SHISA9: variants seen among roughly 807,000 people sequenced by gnomAD.
SHISA9 encodes protein shisa-9.
SHISA9 carries 13 observed loss-of-function variants against 38.0 expected under a neutral mutation model. The observed-to-expected ratio is 0.34, with a 90% CI of 0.22 to 0.54. The LOEUF is 0.54. Ranked by LOEUF, SHISA9 falls within the 20% of genes least tolerant of loss-of-function variation. SHISA9 has a pLI of 0.91. For missense variants in SHISA9, 538 were observed against 575.8 expected (o/e 0.93, Z 0.67); for synonymous variants, 275 against 242.0 (o/e 1.14, Z -1.27).
At chr16:13,184,450 A>G (rs2050803380) in intron 2 of SHISA9, among the ~76,000 whole-genome samples, 1 of 152,198 alleles carries the variant, frequency 6.6e-6, no homozygotes. Context: ...GTCTTTGCAT[A>G]TTTTTTAAAA....
At chr16:13,081,867 AG>A (rs1439712064) in intron 2 of SHISA9, among the ~76,000 whole-genome samples, 5 of 151,238 alleles carry the variant, frequency 3.3e-5, no homozygotes, top group Non-Finnish European at 7.4e-5. Flanking sequence ...AAAAAAAAAA[AG>A]GTTTCTACTG....
the SHISA9 span, among the ~76,000 whole-genome samples, chr16:13,516,591 G>A: frequency 2.6e-5 from 4 of 152,132 alleles, no homozygotes; most frequent in African/African-American, 7.2e-5. Flanking sequence ...CCTGAGGTCA[G>A]GAGTTCGAGA....
At chr16:13,273,664 T>C in the SHISA9 span, among the ~76,000 whole-genome samples, 1 of 152,152 alleles carries the variant, frequency 6.6e-6, no homozygotes. Context: ...AACGGACTAA[T>C]ACAACTCGCT....
chr16:13,148,110 C>T (rs1466235041), intron 2 of SHISA9, among the ~76,000 whole-genome samples: 1 of 152,136 alleles, frequency 6.6e-6, no homozygotes, highest in African/African-American at 2.4e-5. Flanking sequence ...TCACGGCATG[C>T]ACACTCACAA....
intron 2 of SHISA9, among the ~76,000 whole-genome samples, chr16:13,015,772 G>A (rs187857457): frequency 4.0e-5 from 6 of 151,826 alleles, no homozygotes; most frequent in East Asian, 1.9e-4. Flanking sequence ...GAAATCTGGC[G>A]TCAATTTCAC....
chr16:13,488,180 C>T, the SHISA9 span, among the ~76,000 whole-genome samples: 1 of 151,934 alleles, frequency 6.6e-6, no homozygotes, highest in African/African-American at 2.4e-5. Context: ...AATGGCTTTA[C>T]CTCCCGACCA....
intron 2 of SHISA9, among the ~76,000 whole-genome samples, chr16:13,044,499 A>G (rs112713158): frequency 1.6e-4 from 24 of 152,350 alleles, no homozygotes; most frequent in African/African-American, 5.1e-4. Flanking sequence ...TGAAATGGAC[A>G]TAGATCTTAC....
chr16:13,013,318 C>T (rs193232143), intron 2 of SHISA9, among the ~76,000 whole-genome samples: 58 of 152,274 alleles, frequency 3.8e-4, no homozygotes, highest in Middle Eastern at 6.8e-3. Context: ...GAGTCAAGGA[C>T]GCCTATAGCC....
At chr16:13,400,687 A>G in the SHISA9 span, among the ~76,000 whole-genome samples, 1 of 152,056 alleles carries the variant, frequency 6.6e-6, no homozygotes, top group African/African-American at 2.4e-5. Flanking sequence ...CATTCCAATA[A>G]CCCTGACTCC....
At chr16:12,997,055 A>G (rs1011166629) in intron 2 of SHISA9, among the ~76,000 whole-genome samples, 11 of 152,166 alleles carry the variant, frequency 7.2e-5, no homozygotes, top group African/African-American at 2.4e-4. Context: ...AAACATGCAT[A>G]TAGCCCTGCA....
chr16:13,024,919 G>A (rs74012243), intron 2 of SHISA9, among the ~76,000 whole-genome samples: 74 of 152,252 alleles, frequency 4.9e-4, no homozygotes, highest in African/African-American at 1.7e-3. Context: ...AATAACATCT[G>A]TCAAATGCAA....
Position 13,002,963 on chromosome 16 carries a change from T to A in SHISA9, c.691+86148T>A, listed in dbSNP as rs117657311. Among the ~76,000 whole-genome samples the A allele has an allele frequency of 8.7e-3, 1,323 of 152,184 alleles. 9 individuals are homozygous for A. The highest frequency in any genetic ancestry group is 0.034 in the Middle Eastern group (10 of 294). ...TAATGCATCTAAGAGGGACACGAGG[T>A]TGAACATTAGAGATGGGAAGGCCAT... is the stretch of plus-strand genomic sequence containing the variant. On this transcript the variant is annotated intron_variant, in intron 2 of 4. Transcript: ENST00000558583.
At chr16:12,951,032 G>C (rs2071747798) in intron 2 of SHISA9, among the ~76,000 whole-genome samples, 1 of 150,270 alleles carries the variant, frequency 6.7e-6, no homozygotes, top group Non-Finnish European at 1.5e-5. Context: ...GACCAGCCTG[G>C]CCTACATGGT....
At chr16:12,994,784 G>C (rs903475962) in intron 2 of SHISA9, among the ~76,000 whole-genome samples, 1 of 152,176 alleles carries the variant, frequency 6.6e-6, no homozygotes, top group Non-Finnish European at 1.5e-5. Flanking sequence ...GGAAAATGGA[G>C]GTGGCAAGGA....
chr16:13,412,439 C>G, the SHISA9 span, among the ~76,000 whole-genome samples: 1 of 152,080 alleles, frequency 6.6e-6, no homozygotes, highest in African/African-American at 2.4e-5. Context: ...CTATTCCTTC[C>G]CCTTTCCTAC....
chr16:13,500,129 G>A, the SHISA9 span, among the ~76,000 whole-genome samples: 46,731 of 152,008 alleles, frequency 0.31, 7,518 homozygotes, highest in East Asian at 0.37. Flanking sequence ...TCATAGGGGC[G>A]GTTTCCCCCA....
Position 13,239,575 on chromosome 16 carries a change from C to T in SHISA9, c.*4166C>T, listed in dbSNP as rs2051418024. ...CTCATTGTGGTTTTGATTTGCATTT[C>T]TCTGATGGCCAGTGATGATGAGCAT... On this transcript the variant is annotated 3_prime_UTR_variant, in exon 5 of 5. Transcript: ENST00000558583. 6.6e-6 allele frequency: 1 copy of T among 152,166 alleles called. No individual in the cohort carries two copies. Among genetic ancestry groups the T allele is most frequent in the Non-Finnish European group, 1.5e-5 (1 of 68,038 alleles). 9.4% of individuals were successfully genotyped at this position (152,166 alleles called of 1,614,324 possible).
chr16:13,203,187 A>G (rs949734195), intron 2 of SHISA9: 1 of 407,302 alleles, frequency 2.5e-6, no homozygotes, highest in Non-Finnish European at 4.3e-6. Context: ...AGATGATGTC[A>G]GAAAAACACC....
the SHISA9 span, among the ~76,000 whole-genome samples, chr16:13,248,782 A>T: frequency 3.9e-5 from 6 of 152,196 alleles, no homozygotes; most frequent in Non-Finnish European, 8.8e-5. Context: ...ATCCTGAGAT[A>T]GGAATTCATA....
Sources: gnomAD v4.1 joint callset for allele counts (sites outside exome capture counted in the v4.1 genomes callset) on GRCh38, gnomAD v4.1.1 for gene constraint, MANE v1.5 for transcripts, NCBI Gene and HGNC (gene_info 2026-07-23, HGNC 2026-07-21) for gene names.